The following PRKAG3 variants were observed in gnomAD, a reference collection of about 807,000 sequenced individuals.
The protein encoded by PRKAG3 is protein kinase AMP-activated non-catalytic subunit gamma 3.
A neutral mutation model predicts 56.5 loss-of-function variants in PRKAG3; 39 were observed. That is an observed-to-expected ratio of 0.69 (90% CI 0.53 to 0.90). The LOEUF is 0.90. Among genes scored for constraint, PRKAG3 ranks in the 40% least tolerant of loss-of-function variants. PRKAG3 has a pLI of 0.00. For synonymous variants in PRKAG3, 243 were observed against 250.1 expected (o/e 0.97, Z 0.27); for missense variants, 628 against 627.5 (o/e 1.00, Z -0.01).
At position 218,831,658 on chromosome 2, in the gene PRKAG3, C is replaced by T. The variant is rs531251844; in HGVS notation, c.33+80G>A. ...AACACACACCAGAAGACACACACGC[C>T]CACACACACATTCACAGCCCGTGCG... On this transcript the variant is annotated intron_variant, in intron 1 of 12. Coordinates refer to ENST00000529249, the Ensembl canonical transcript of PRKAG3. 2.6e-6 allele frequency: 4 copies of T among 1,526,254 alleles called. No homozygotes were observed. In the Admixed American group the frequency reaches 5.7e-5, roughly 22 times the overall value. The allele number at this position is 1,526,254 out of a possible 1,614,324, so 94.5% of individuals were successfully genotyped here. A position where few individuals can be genotyped will look rare whatever the true frequency, so the allele number is the denominator to read the frequency against.
At chr2:218,830,287 G>A in exon 4 of PRKAG3, 1 of 1,613,470 alleles carries the variant, frequency 6.2e-7, no homozygotes, top group South Asian at 1.1e-5. Flanking sequence ...TTGGTGGAGT[G>A]CCCACCCCGG....
intron 5 of PRKAG3, 24 bp from the exon 6 acceptor site, chr2:218,828,086 G>T (rs1373026708): frequency 6.5e-7 from 1 of 1,549,902 alleles, no homozygotes; most frequent in Non-Finnish European, 8.7e-7. Flanking sequence ...CGGGGAGGAG[G>T]TCAGCCCGGG....
At chr2:218,823,812 G>C (rs753557525) in exon 13 of PRKAG3, 1 of 1,614,172 alleles carries the variant, frequency 6.2e-7, no homozygotes, top group South Asian at 1.1e-5. Flanking sequence ...AGTGCCTGAA[G>C]GATGTCGGAG....
intron 10 of PRKAG3, among the ~76,000 whole-genome samples, 183 bp from the exon 11 acceptor site, chr2:218,824,759 TGTGA>T (rs1245210937): frequency 1.3e-5 from 2 of 152,178 alleles, no homozygotes; most frequent in African/African-American, 4.8e-5. Context: ...GGAAATGCAG[TGTGA>T]GTAACATGGC....
At position 218,831,387 on chromosome 2, in the gene PRKAG3, A is replaced by G; in HGVS notation, c.34-12T>C. On this transcript the variant is annotated splice_polypyrimidine_tract_variant and intron_variant, in intron 1 of 12. Transcript: ENST00000529249. ...CTCCAGGAAGGGGTCTGTGGGGAGA[A>G]GAGTTTCTGAAGGAGTGGGGAAAGT... is the stretch of plus-strand genomic sequence containing the variant. 1.9e-6 allele frequency: 3 copies of G among 1,596,704 alleles called. No individual in the cohort carries two copies. Among genetic ancestry groups the G allele is most frequent in the Non-Finnish European group, 2.6e-6 (3 of 1,171,628 alleles).
At chr2:218,830,005 C>T (rs1481440224) in exon 4 of PRKAG3, 3 of 1,613,914 alleles carry the variant, frequency 1.9e-6, no homozygotes, top group East Asian at 4.5e-5. Context: ...AGATGACTAG[C>T]TTGGAGCTAG....
In PRKAG3 at chr2:218,827,180, A is replaced by T; in HGVS notation, c.1002+67T>A. The stretch of plus-strand genomic sequence containing the variant: ...TCTTCCCCACGACTGCTAGGGCTGA[A>T]GACTCCTCAGGCCCTCTGATCACCT... On this transcript the variant is annotated intron_variant, in intron 9 of 12. Transcript: ENST00000529249. The surrounding 1 kb of genome is among the most constrained non-coding windows in gnomAD (Gnocchi z 5.3). 6.2e-7 allele frequency: 1 copy of T among 1,613,472 alleles called. No individual in the cohort carries two copies. The highest frequency in any genetic ancestry group is 1.3e-5 in the African/African-American group (1 of 75,032).
rs1034510835 is a variant in PRKAG3, at chr2:218,828,051, T to C, written c.727A>G (p.Ile243Val). 11 of 1,527,562 alleles carry C rather than the reference T, an allele frequency of 7.2e-6. No homozygotes were observed. The African/African-American group carries it at 1.5e-4, about 20-fold the overall frequency. The allele number at this position is 1,527,562 out of a possible 1,614,324, so 94.6% of individuals were successfully genotyped here. ...TGCAGCACCAGGATGAAGTCAGTGA[T>C]GGTCAGCATCCCTGCAGGGAGGGGC... Residue 243 changes from isoleucine to valine, a missense_variant, in exon 6 of 13, where the codon ATC (isoleucine) becomes GTC (valine). Ile to Val is a conservative substitution (Grantham distance 29, BLOSUM62 3). Transcript: ENST00000529249.
exon 12 of PRKAG3, chr2:218,824,346 T>C (rs918593240): frequency 1.9e-6 from 3 of 1,613,930 alleles, no homozygotes; most frequent in African/African-American, 2.7e-5. Context: ...CAGGTGGTTG[T>C]AGGTTTGCTG....
At chr2:218,826,003 C>T (rs1943927146) in intron 10 of PRKAG3, among the ~76,000 whole-genome samples, 1 of 152,096 alleles carries the variant, frequency 6.6e-6, no homozygotes. Flanking sequence ...TCGTGATCCG[C>T]CCACCTTGGC....
rs1943890990 is a variant in PRKAG3, at chr2:218,823,976, T to G, written c.1354-98A>C. 2.3e-6 allele frequency: 3 copies of G among 1,317,896 alleles called. No homozygotes were observed. The East Asian group carries it at 6.9e-5, about 30-fold the overall frequency. 81.6% of individuals were successfully genotyped at this position (1,317,896 alleles called of 1,614,324 possible). ...ATCAGGGGAAACAACCCAACATGAC[T>G]GAGGGAGAGAGCGTCTCCTAGAAAC... On this transcript the variant is annotated intron_variant, in intron 12 of 12. Transcript: ENST00000529249.
At chr2:218,826,758 G>T (rs563858121) in intron 10 of PRKAG3, 170 bp downstream of exon 10, 1 of 768,966 alleles carries the variant, frequency 1.3e-6, no homozygotes, top group Non-Finnish European at 2.1e-6. Context: ...GAGGCACAGA[G>T]AGGCTAAGCA....
chr2:218,827,622 G>A lies in PRKAG3; in HGVS notation c.828C>T (p.Tyr276=). ...CCAGAGGCTTGAAGCAGCCTTGCAGGTAGATCTCTGCAGAAAGAGCCAGAG... is the reference window on the plus strand; with the variant it reads ...CCAGAGGCTTGAAGCAGCCTTGCAGATAGATCTCTGCAGAAAGAGCCAGAG... Residue 276 remains tyrosine (Y), a synonymous_variant, in exon 8 of 13, where the codon TAC becomes TAT. Transcript: ENST00000529249. The surrounding 1 kb of genome is among the most constrained non-coding windows in gnomAD (Gnocchi z 5.3). The A allele has an allele frequency of 6.2e-7, 1 of 1,614,012 alleles. No individual in the cohort carries two copies. The highest frequency in any genetic ancestry group is 1.1e-5 in the South Asian group (1 of 91,070).
At chr2:218,828,991 C>T (rs1471424756) in intron 4 of PRKAG3, among the ~76,000 whole-genome samples, 1 of 152,162 alleles carries the variant, frequency 6.6e-6, no homozygotes, top group African/African-American at 2.4e-5. Flanking sequence ...TATTTACATA[C>T]TTTTTTTGTA....
Position 218,828,070 on chromosome 2 carries a change from G to GA in PRKAG3, c.716-9dup. On this transcript the variant is annotated splice_polypyrimidine_tract_variant and intron_variant, in intron 5 of 12. Coordinates refer to ENST00000529249, the Ensembl canonical transcript of PRKAG3. ...CAGTGATGGTCAGCATCCCTGCAGG[G>GA]AGGGGCGGGGAGGAGGTCAGCCCGG... is the stretch of plus-strand genomic sequence containing the variant. 1 of 1,554,996 alleles carries GA rather than the reference G, an allele frequency of 6.4e-7. No individual in the cohort carries two copies. The highest frequency in any genetic ancestry group is 1.2e-5 in the South Asian group (1 of 84,406).
At chr2:218,829,204 A>G (rs1943981474) in intron 4 of PRKAG3, among the ~76,000 whole-genome samples, 1 of 152,218 alleles carries the variant, frequency 6.6e-6, no homozygotes, top group Non-Finnish European at 1.5e-5. Flanking sequence ...CATAACAATG[A>G]TAAGAATAAG....
exon 12 of PRKAG3, chr2:218,824,229 C>G: frequency 6.2e-7 from 1 of 1,614,040 alleles, no homozygotes; most frequent in Non-Finnish European, 8.5e-7. Context: ...TACCTGCTCC[C>G]GAGCAATCCT....
intron 4 of PRKAG3, 29 bp downstream of exon 4, chr2:218,829,949 G>T: frequency 1.9e-6 from 3 of 1,605,982 alleles, no homozygotes; most frequent in Non-Finnish European, 1.7e-6. Context: ...TGGAGAGTGA[G>T]TACAGGTTGG....
At chr2:218,828,009 G>A (rs1401725114) in exon 6 of PRKAG3, 1 of 1,573,056 alleles carries the variant, frequency 6.4e-7, no homozygotes, top group Non-Finnish European at 8.6e-7. Context: ...CTCACCAGGG[G>A]GGACCTGTAG....
Sources: allele counts gnomAD v4.1 joint callset (sites outside exome capture counted in the v4.1 genomes callset), GRCh38; gene constraint gnomAD v4.1.1; non-coding constraint Gnocchi (gnomAD v3.1); transcripts MANE v1.5; gene names NCBI Gene and HGNC (gene_info 2026-07-23, HGNC 2026-07-21).